Variants in TTK observed in about 807,000 individuals in gnomAD.
TTK encodes the protein dual specificity protein kinase TTK.
A neutral mutation model predicts 117.3 loss-of-function variants in TTK; 59 were observed. The observed-to-expected ratio is 0.50, with a 90% CI of 0.41 to 0.62. The LOEUF (loss-of-function observed/expected upper bound fraction) is 0.62, where lower values mean the gene tolerates loss of function less well. TTK is among the 20% of genes least tolerant of loss of function. The pLI, the probability that TTK is intolerant of heterozygous loss-of-function variation, is 0.00. For synonymous variants in TTK, 302 were observed against 325.0 expected (o/e 0.93, Z 0.76); for missense variants, 921 against 989.4 (o/e 0.93, Z 0.93).
At chr6:80,011,044 T>C in intron 5 of TTK, 87 bp downstream of exon 5, 1 of 1,373,242 alleles carries the variant, frequency 7.3e-7, no homozygotes, top group Non-Finnish European at 9.7e-7. Flanking sequence ...AAAATATTAT[T>C]TATGTAGAAT....
At chr6:80,007,702 A>C in intron 2 of TTK, 107 bp from the exon 3 acceptor site, 1 of 820,600 alleles carries the variant, frequency 1.2e-6, no homozygotes, top group Non-Finnish European at 1.9e-6. Flanking sequence ...GACTTTATGT[A>C]CATTGATACT....
intron 16 of TTK, 59 bp from the exon 17 acceptor site, chr6:80,036,416 T>A (rs1767907032): frequency 2.0e-6 from 3 of 1,530,350 alleles, no homozygotes; most frequent in African/African-American, 1.4e-5. Context: ...GACTGTGAAT[T>A]TTTTGGTCCT....
At chr6:80,040,478 C>G (rs1768018725) in intron 20 of TTK, 128 bp from the exon 21 acceptor site, 2 of 893,350 alleles carry the variant, frequency 2.2e-6, no homozygotes, top group Admixed American at 6.8e-5. Flanking sequence ...TTTACTTATT[C>G]CAGATAACGG....
At position 80,007,952 on chromosome 6, in the gene TTK, A is replaced by G. The variant is rs1270402844; in HGVS notation, c.283A>G (p.Ile95Val). The change falls in exon 3 of 22, where the codon ATT becomes GTT. Residue 95 changes from isoleucine (I) to valine (V), a missense_variant. Physicochemically the swap from Ile to Val is conservative, Grantham distance 29 (BLOSUM62 3). Transcript: ENST00000369798. ...NKLIGRYSQA[I>V]EALPPDKYGQ... ...ATTGATTGGTCGTTACAGTCAAGCA[A>G]TTGAAGCGCTTCCCCCAGATAAATA... is the stretch of plus-strand genomic sequence containing the variant. The G allele has an allele frequency of 3.7e-6, 6 of 1,613,554 alleles. No homozygotes were observed. Among genetic ancestry groups the G allele is most frequent in the Admixed American group, 1.7e-5 (1 of 59,982 alleles).
Position 80,007,929 on chromosome 6 carries a change from T to C in TTK, c.260T>C (p.Leu87Ser). ...VPLSDALLNK[L>S]IGRYSQAIEA... ...CTAAGTGATGCTCTTTTAAATAAAT[T>C]GATTGGTCGTTACAGTCAAGCAATT... is the stretch of plus-strand genomic sequence containing the variant. Residue 87 changes from leucine to serine, a missense_variant, in exon 3 of 22, where the codon TTG (leucine) becomes TCG (serine). Coordinates refer to ENST00000369798, the MANE Select transcript of TTK (RefSeq NM_003318.5). 2 of 1,613,636 alleles carry C rather than the reference T, an allele frequency of 1.2e-6. No homozygotes were observed. Among genetic ancestry groups the C allele is most frequent in the Non-Finnish European group, 1.7e-6 (2 of 1,179,666 alleles).
intron 10 of TTK, among the ~76,000 whole-genome samples, chr6:80,018,498 C>T (rs1445385071): frequency 6.6e-6 from 1 of 151,774 alleles, no homozygotes; most frequent in Non-Finnish European, 1.5e-5. Flanking sequence ...GTGGCAGGTG[C>T]CTGTAATCCC....
intron 10 of TTK, among the ~76,000 whole-genome samples, chr6:80,018,351 C>T (rs965672425): frequency 1.3e-5 from 2 of 151,874 alleles, no homozygotes; most frequent in African/African-American, 4.8e-5. Flanking sequence ...CACGGTGGCT[C>T]ACACCTGTAA....
At chr6:80,036,251 T>C (rs1767902806) in intron 16 of TTK, among the ~76,000 whole-genome samples, 1 of 152,108 alleles carries the variant, frequency 6.6e-6, no homozygotes, top group South Asian at 2.1e-4. Flanking sequence ...TACTTCAGCA[T>C]TGATGTGAAG....
chr6:80,038,960 A>C (rs979746942), intron 18 of TTK, among the ~76,000 whole-genome samples: 1 of 152,122 alleles, frequency 6.6e-6, no homozygotes, highest in Non-Finnish European at 1.5e-5. Flanking sequence ...TTTAATGCCC[A>C]TGACAATGTA....
In TTK at chr6:80,042,187, AAG is replaced by A. The variant is rs1768066807; in HGVS notation, c.2560_2561del (p.Arg854GlyfsTer10). The stretch of plus-strand genomic sequence containing the variant: ...CATCCTCCAAGACTTTTGAAAAAAA[AAG>A]GGGAAAAAAATGATTTGCAGTTATT... ...SSSSKTFEKK[R>X]GKK is the part of the protein sequence containing the mutation. On this transcript the variant is annotated frameshift_variant, in exon 22 of 22. Coordinates refer to ENST00000369798, the MANE Select transcript of TTK (RefSeq NM_003318.5). LOFTEE classifies it high-confidence loss of function. 2 of 1,601,508 alleles carry A rather than the reference AAG, an allele frequency of 1.2e-6. No individual in the cohort carries two copies. The highest frequency in any genetic ancestry group is 1.7e-6 in the Non-Finnish European group (2 of 1,172,002).
intron 17 of TTK, chr6:80,037,704 A>T (rs1481677143): frequency 5.7e-6 from 1 of 175,384 alleles, no homozygotes; most frequent in Non-Finnish European, 1.2e-5. Flanking sequence ...TTTGCTGATT[A>T]TGAACCCAAC....
In TTK at chr6:80,040,290, C is replaced by A; in HGVS notation, c.2392+10C>A. The A allele has an allele frequency of 6.4e-7, 1 of 1,564,262 alleles. No homozygotes were observed. Among genetic ancestry groups the A allele is most frequent in the African/African-American group, 1.4e-5 (1 of 72,558 alleles). On this transcript the variant is annotated intron_variant, in intron 20 of 21. Transcript: ENST00000369798. ...ATTCAAACTCATCCAGGTACTACTT[C>A]TTTAAAAATTTGTTTATTACTAGAT...
chr6:80,031,553 A>G lies in TTK; in HGVS notation c.1608A>G (p.Ser536=). 1 of 1,506,572 alleles carries G rather than the reference A, an allele frequency of 6.6e-7. No individual in the cohort carries two copies. The highest frequency in any genetic ancestry group is 8.8e-7 in the Non-Finnish European group (1 of 1,131,024). The allele number at this position is 1,506,572 out of a possible 1,614,324, so 93.3% of individuals were successfully genotyped here. A position where few individuals can be genotyped will look rare whatever the true frequency, so the allele number is the denominator to read the frequency against. ...TAAAGCAGATAGGAAGTGGAGGTTC[A>G]AGCAAGGTAAGTATCTTAAAATATT... The part of the protein sequence containing the change: ...SILKQIGSGG[S]SKVFQVLNEK... Residue 536 remains serine, a synonymous_variant, in exon 14 of 22, where the codon TCA becomes TCG. Transcript: ENST00000369798.
At chr6:80,026,273 T>G (rs1198554912) in intron 11 of TTK, 105 bp from the exon 12 acceptor site, 1 of 1,186,722 alleles carries the variant, frequency 8.4e-7, no homozygotes, top group Non-Finnish European at 1.2e-6. Flanking sequence ...TGCCTTTGTA[T>G]ATCATATGTT....
intron 21 of TTK, among the ~76,000 whole-genome samples, chr6:80,041,859 C>T (rs535907576): frequency 2.2e-4 from 33 of 151,626 alleles, no homozygotes; most frequent in Non-Finnish European, 4.7e-4. Context: ...CTTGAAGGCT[C>T]ATATGTATGT....
At chr6:80,024,837 T>C (rs1050371654) in intron 11 of TTK, among the ~76,000 whole-genome samples, 4 of 152,224 alleles carry the variant, frequency 2.6e-5, no homozygotes, top group African/African-American at 9.6e-5. Flanking sequence ...ACTTACCATA[T>C]GGCTGTGTGC....
At chr6:80,029,760 ACT>A (rs1206818236) in intron 13 of TTK, among the ~76,000 whole-genome samples, 6 of 152,212 alleles carry the variant, frequency 3.9e-5, no homozygotes, top group East Asian at 1.9e-4. Flanking sequence ...CATTTTGGAA[ACT>A]CTAACCACAG....
intron 16 of TTK, among the ~76,000 whole-genome samples, chr6:80,035,619 C>G (rs571055039): frequency 6.6e-6 from 1 of 152,264 alleles, no homozygotes; most frequent in East Asian, 1.9e-4. Flanking sequence ...GACATCAACT[C>G]AAGTTCCGAC....
chr6:80,041,217 G>A lies in TTK; in HGVS notation c.2490+514G>A, dbSNP rs562874223. Among the ~76,000 whole-genome samples the A allele has an allele frequency of 2.0e-5, 3 of 151,694 alleles. No individual in the cohort carries two copies. The East Asian group carries it at 5.8e-4, about 29-fold the overall frequency. ...TTCTAGAACCCTGTGAATGCTTATT[G>A]ACCAACTGATTTAGCCAACAAGCAG... On this transcript the variant is annotated intron_variant, in intron 21 of 21. Transcript: ENST00000369798.
Sources: gnomAD v4.1 joint callset for allele counts (sites outside exome capture counted in the v4.1 genomes callset) on GRCh38, gnomAD v4.1.1 for gene constraint, MANE v1.5 for transcripts, NCBI Gene and HGNC (gene_info 2026-07-23, HGNC 2026-07-21) for gene names.